Variants in BMF observed in about 807,000 individuals in gnomAD.
The protein encoded by BMF is bcl-2-modifying factor.
In BMF, 10 loss-of-function variants were observed where a neutral mutation model predicts 22.0. The observed-to-expected ratio is 0.45, with a 90% CI of 0.28 to 0.77. The LOEUF is 0.77. BMF is among the 30% of genes least tolerant of loss of function. The probability of loss-of-function intolerance (pLI) is 0.13; values close to 1 mark genes in which losing one functional copy is unlikely to be tolerated. For synonymous variants in BMF, 87 were observed against 88.1 expected, an observed-to-expected ratio of 0.99 and a Z score of 0.07; for missense variants, 206 against 226.8, an observed-to-expected ratio of 0.91 and a Z score of 0.59.
chr15:40,105,298 T>C (rs2036563341), intron 3 of BMF, among the ~76,000 whole-genome samples: 1 of 152,208 alleles, frequency 6.6e-6, no homozygotes, highest in Admixed American at 6.5e-5. Context: ...AAGCATCCCC[T>C]CTCCTGGCAT....
chr15:40,107,191 A>G (rs181904867), intron 2 of BMF, among the ~76,000 whole-genome samples: 1 of 152,360 alleles, frequency 6.6e-6, no homozygotes, highest in East Asian at 1.9e-4. Flanking sequence ...AGCCAGAAGC[A>G]GCAACCACCT....
intron 3 of BMF, among the ~76,000 whole-genome samples, chr15:40,104,985 C>T (rs2036554959): frequency 1.3e-5 from 2 of 152,180 alleles, no homozygotes; most frequent in South Asian, 4.1e-4. Context: ...GTCCGCCGGG[C>T]TCCTCGCTCC....
At chr15:40,100,425 T>C (rs2036452714) in intron 4 of BMF, among the ~76,000 whole-genome samples, 1 of 152,208 alleles carries the variant, frequency 6.6e-6, no homozygotes, top group Admixed American at 6.5e-5. Flanking sequence ...CTGCCACAGT[T>C]TGTCAGCTCA....
At chr15:40,105,616 G>T (rs528886645) in intron 3 of BMF, among the ~76,000 whole-genome samples, 179 bp downstream of exon 3, 1 of 152,318 alleles carries the variant, frequency 6.6e-6, no homozygotes, top group South Asian at 2.1e-4. Context: ...CCTTTGGGGG[G>T]TCTGAGGCAC....
In BMF at chr15:40,090,386, C is replaced by T. The variant is rs969794488; in HGVS notation, c.*1401G>A. 1 of 152,682 alleles carries T rather than the reference C, an allele frequency of 6.5e-6. No individual in the cohort carries two copies. Among genetic ancestry groups the T allele is most frequent in the African/African-American group, 2.4e-5 (1 of 41,464 alleles). The allele number at this position is 152,682 out of a possible 1,614,324, so 9.5% of individuals were successfully genotyped here. A position where few individuals can be genotyped will look rare whatever the true frequency, so the allele number is the denominator to read the frequency against. ...GAAGCCGTCTTTCCTTTGGGCCTTA[C>T]TTCACTGTTAGCACCAATGTTGTCT... On this transcript the variant is annotated 3_prime_UTR_variant, in exon 5 of 5. Transcript: ENST00000354670.
At chr15:40,103,737 G>A (rs2036527053) in intron 4 of BMF, among the ~76,000 whole-genome samples, 2 of 152,180 alleles carry the variant, frequency 1.3e-5, no homozygotes, top group Admixed American at 1.3e-4. Context: ...CCCCAACTCA[G>A]GCCCCATCCC....
chr15:40,100,784 A>T (rs2141030800), intron 4 of BMF, among the ~76,000 whole-genome samples: 2 of 152,278 alleles, frequency 1.3e-5, no homozygotes, highest in East Asian at 3.9e-4. Flanking sequence ...CGATACACTC[A>T]ATTGGGATTT....
chr15:40,097,076 A>G (rs2036377124), intron 4 of BMF, among the ~76,000 whole-genome samples: 1 of 152,240 alleles, frequency 6.6e-6, no homozygotes, highest in Admixed American at 6.5e-5. Context: ...GAACAGGAAC[A>G]TTGAGAGCAG....
Position 40,091,754 on chromosome 15 carries a change from C to T in BMF, c.*33G>A. On this transcript the variant is annotated 3_prime_UTR_variant, in exon 5 of 5. Transcript: ENST00000354670. ...TGTCCTTCCTGTTCCAGACGGTGTT[C>T]CTGGTGCCCCATGTGAAGAGGGCAG... 1 of 1,494,074 alleles carries T rather than the reference C, an allele frequency of 6.7e-7. No individual in the cohort carries two copies. Among genetic ancestry groups the T allele is most frequent in the Non-Finnish European group, 9.2e-7 (1 of 1,082,982 alleles). 92.6% of individuals were successfully genotyped at this position (1,494,074 alleles called of 1,614,324 possible). A position where few individuals can be genotyped will look rare whatever the true frequency, so the allele number is the denominator to read the frequency against.
In BMF at chr15:40,088,996, T is replaced by TC. The variant is rs2036183954; in HGVS notation, c.*2790dup. ...CTGTTTTGACCCTGAATATCAGGCTTCCCTTCCTCCCAGGCATTTCTTTCC... is the reference window on the plus strand; with the variant it reads ...CTGTTTTGACCCTGAATATCAGGCTTCCCCTTCCTCCCAGGCATTTCTTTCC... On this transcript the variant is annotated 3_prime_UTR_variant, in exon 5 of 5. Transcript: ENST00000354670. 6.5e-6 allele frequency: 1 copy of TC among 152,676 alleles called. No individual in the cohort carries two copies. The highest frequency in any genetic ancestry group is 2.4e-5 in the African/African-American group (1 of 41,434). 9.5% of individuals were successfully genotyped at this position (152,676 alleles called of 1,614,324 possible).
chr15:40,099,417 G>C (rs1372802092), intron 4 of BMF, among the ~76,000 whole-genome samples: 1 of 152,112 alleles, frequency 6.6e-6, no homozygotes, highest in Non-Finnish European at 1.5e-5. Context: ...AACTGTCCCT[G>C]ACTTAATAGT....
At position 40,089,237 on chromosome 15, in the gene BMF, G is replaced by A. The variant is rs1419928611; in HGVS notation, c.*2550C>T. 6.6e-6 allele frequency: 1 copy of A among 152,296 alleles called. No homozygotes were observed. Among genetic ancestry groups the A allele is most frequent in the Admixed American group, 6.5e-5 (1 of 15,278 alleles). 9.4% of individuals were successfully genotyped at this position (152,296 alleles called of 1,614,324 possible). A position where few individuals can be genotyped will look rare whatever the true frequency, so the allele number is the denominator to read the frequency against. ...CGGGGGGGAGGGGCAGGTCTCCTGA[G>A]GCTAGACTTGAGGAATGTTTAGGCC... On this transcript the variant is annotated 3_prime_UTR_variant, in exon 5 of 5. Coordinates refer to ENST00000354670, the MANE Select transcript of BMF (RefSeq NM_001003940.2).
intron 4 of BMF, among the ~76,000 whole-genome samples, chr15:40,092,220 C>T (rs762769681): frequency 2.6e-5 from 4 of 152,150 alleles, no homozygotes; most frequent in Non-Finnish European, 4.4e-5. Context: ...GATTGGCTCC[C>T]GAGCCCCTCA....
Position 40,106,318 on chromosome 15 carries a change from C to T in BMF, c.-5-227G>A. On this transcript the variant is annotated intron_variant, in intron 2 of 4. Coordinates refer to ENST00000354670, the MANE Select transcript of BMF (RefSeq NM_001003940.2). This position sits in a 1 kb window ranked among gnomAD's most constrained non-coding sequence, Gnocchi z 4.1. ...GGCTCTCCACACCTCTTCCCTGGGC[C>T]CGCCTGGAACCACCCTTTTTCTTGA... The T allele has an allele frequency of 2.2e-6, 1 of 445,640 alleles. No individual in the cohort carries two copies. The highest frequency in any genetic ancestry group is 3.9e-6 in the Non-Finnish European group (1 of 256,612). The allele number at this position is 445,640 out of a possible 1,614,324, so 27.6% of individuals were successfully genotyped here. A position where few individuals can be genotyped will look rare whatever the true frequency, so the allele number is the denominator to read the frequency against.
At chr15:40,095,528 G>A (rs954495557) in intron 4 of BMF, among the ~76,000 whole-genome samples, 3 of 152,158 alleles carry the variant, frequency 2.0e-5, no homozygotes, top group African/African-American at 7.2e-5. Context: ...AGCACCCAGC[G>A]CACAATCTGA....
At chr15:40,104,478 G>C in intron 3 of BMF, 138 bp from the exon 4 acceptor site, 2 of 1,111,462 alleles carry the variant, frequency 1.8e-6, no homozygotes. Flanking sequence ...TGCCTCTATT[G>C]GAGCACTCTG....
Position 40,105,873 on chromosome 15 carries a change from T to C in BMF, c.214A>G (p.Thr72Ala). Reference protein sequence around the residue: ...PTSQEDKATQTLSPASPSQGV... With the variant: ...PTSQEDKATQALSPASPSQGV... ...TGGCTGGGGGAGGCTGGGCTGAGAG[T>C]CTGGGTAGCTTTGTCTTCCTGGCTG... The change falls in exon 3 of 5, where the codon ACT (threonine) becomes GCT (alanine). Residue 72 changes from threonine to alanine, a missense_variant. By Grantham distance (58) the Thr-to-Ala change is moderately conservative. Coordinates refer to ENST00000354670, the MANE Select transcript of BMF (RefSeq NM_001003940.2). 6.2e-7 allele frequency: 1 copy of C among 1,613,594 alleles called. No homozygotes were observed. Among genetic ancestry groups the C allele is most frequent in the South Asian group, 1.1e-5 (1 of 91,058 alleles).
At chr15:40,099,803 G>T (rs1414413169) in intron 4 of BMF, among the ~76,000 whole-genome samples, 1 of 113,692 alleles carries the variant, frequency 8.8e-6, no homozygotes, top group Non-Finnish European at 2.0e-5. Flanking sequence ...AAAAAAAAAA[G>T]GCTTGGAGAG....
In BMF at chr15:40,106,715, C is replaced by T. The variant is rs1005527031; in HGVS notation, c.-5-624G>A. On this transcript the variant is annotated intron_variant, in intron 2 of 4. Coordinates refer to ENST00000354670, the MANE Select transcript of BMF (RefSeq NM_001003940.2). The surrounding 1 kb of genome is among the most constrained non-coding windows in gnomAD (Gnocchi z 4.1). ...CTCTAATCTCCACCCCTTGCTTGCA[C>T]AACACAACAAACAGGCTCTGCAGTG... 1.3e-5 allele frequency: 2 copies of T among 152,330 alleles called. No individual in the cohort carries two copies. Among genetic ancestry groups the T allele is most frequent in the African/African-American group, 4.8e-5 (2 of 41,456 alleles). The allele number at this position is 152,330 out of a possible 1,614,324, so 9.4% of individuals were successfully genotyped here.
Sources: allele counts gnomAD v4.1 joint callset (sites outside exome capture counted in the v4.1 genomes callset), GRCh38; gene constraint gnomAD v4.1.1; non-coding constraint Gnocchi (gnomAD v3.1); transcripts MANE v1.5; gene names NCBI Gene and HGNC (gene_info 2026-07-23, HGNC 2026-07-21).